Variants in LRRC28 observed in about 807,000 individuals in gnomAD.
LRRC28 encodes the protein leucine-rich repeat-containing protein 28.
LRRC28 carries 39 observed loss-of-function variants against 45.7 expected under a neutral mutation model. The ratio of observed to expected loss-of-function variants is 0.85; its 90% CI spans 0.66 to 1.12. The LOEUF (loss-of-function observed/expected upper bound fraction) is 1.12. Ranked by LOEUF, LRRC28 falls within the 50% of genes most tolerant of loss-of-function variation. The probability of loss-of-function intolerance (pLI) is 0.00; values close to 1 mark genes in which losing one functional copy is unlikely to be tolerated. For synonymous variants in LRRC28, 206 were observed against 178.8 expected (o/e 1.15, Z -1.22); for missense variants, 435 against 438.5 (o/e 0.99, Z 0.07).
intron 6 of LRRC28, among the ~76,000 whole-genome samples, chr15:99,351,802 A>C (rs1442759650): frequency 6.6e-6 from 1 of 152,228 alleles, no homozygotes; most frequent in Non-Finnish European, 1.5e-5. Context: ...TACAGCAACC[A>C]CTGCAACTGG....
intron 7 of LRRC28, among the ~76,000 whole-genome samples, chr15:99,359,641 A>G (rs994767426): frequency 2.6e-5 from 4 of 152,188 alleles, no homozygotes; most frequent in Admixed American, 2.0e-4. Context: ...TTACTATAAT[A>G]AAAACATCTG....
chr15:99,278,113 A>G (rs1045143566), intron 3 of LRRC28, among the ~76,000 whole-genome samples: 2 of 152,182 alleles, frequency 1.3e-5, no homozygotes, highest in African/African-American at 4.8e-5. Context: ...ATGTTGGAAA[A>G]TACAGATAGT....
chr15:99,311,696 G>A (rs1009780898), intron 5 of LRRC28, among the ~76,000 whole-genome samples: 35 of 152,262 alleles, frequency 2.3e-4, no homozygotes, highest in Admixed American at 5.9e-4. Context: ...ACTCTAAAAA[G>A]CCAAGAATAT....
chr15:99,336,036 T>C (rs1327753609), intron 6 of LRRC28, among the ~76,000 whole-genome samples: 1 of 152,184 alleles, frequency 6.6e-6, no homozygotes, highest in Non-Finnish European at 1.5e-5. Flanking sequence ...TCGCCTATAC[T>C]ACTATTCATA....
At chr15:99,313,789 G>T (rs145796308) in intron 5 of LRRC28, among the ~76,000 whole-genome samples, 2 of 152,108 alleles carry the variant, frequency 1.3e-5, no homozygotes, top group Non-Finnish European at 2.9e-5. Flanking sequence ...AGTTTTAGGG[G>T]ACAAAGCTGT....
intron 5 of LRRC28, among the ~76,000 whole-genome samples, chr15:99,306,800 C>T (rs1009897665): frequency 6.6e-6 from 1 of 151,972 alleles, no homozygotes; most frequent in Non-Finnish European, 1.5e-5. Flanking sequence ...TTCTGTGTCA[C>T]GCTAACACTT....
chr15:99,287,346 CTTTAT>C, intron 4 of LRRC28, 52 bp downstream of exon 4: 1 of 1,316,040 alleles, frequency 7.6e-7, no homozygotes, highest in Non-Finnish European at 1.0e-6. Flanking sequence ...TTAAGCTTTG[CTTTAT>C]AAATAGATCA....
intron 6 of LRRC28, among the ~76,000 whole-genome samples, chr15:99,346,536 T>C (rs1956688407): frequency 6.6e-6 from 1 of 152,226 alleles, no homozygotes; most frequent in Admixed American, 6.5e-5. Flanking sequence ...AATGCCGTGT[T>C]GAGACATTTG....
rs189847675 is a variant in LRRC28, at chr15:99,263,816, C to T, written c.168+7691C>T. Among the ~76,000 whole-genome samples, 12 of 152,252 alleles carry T rather than the reference C, an allele frequency of 7.9e-5. No individual in the cohort carries two copies. The East Asian group carries it at 1.9e-3, about 24-fold the overall frequency. On this transcript the variant is annotated intron_variant, in intron 2 of 9. Coordinates refer to ENST00000301981, the MANE Select transcript of LRRC28 (RefSeq NM_144598.5). ...TTTGTTGAGTACTTAACTGTGTACC[C>T]ATCACTCTTCAAGACACTGACAATA...
At chr15:99,342,240 T>A (rs1005135497) in intron 6 of LRRC28, among the ~76,000 whole-genome samples, 1 of 152,230 alleles carries the variant, frequency 6.6e-6, no homozygotes, top group Non-Finnish European at 1.5e-5. Flanking sequence ...TACACCTGGA[T>A]GCCTTGGGCA....
At chr15:99,307,133 TGAGA>T (rs5814932) in intron 5 of LRRC28, among the ~76,000 whole-genome samples, 1 of 152,070 alleles carries the variant, frequency 6.6e-6, no homozygotes, top group African/African-American at 2.4e-5. Flanking sequence ...ATGTTTTCAT[TGAGA>T]GAGAGAGTTT....
chr15:99,270,375 G>A (rs919739025), intron 2 of LRRC28, among the ~76,000 whole-genome samples: 2 of 151,986 alleles, frequency 1.3e-5, no homozygotes, highest in East Asian at 1.9e-4. Flanking sequence ...CAAACATTTC[G>A]TTCACTCCAG....
At chr15:99,365,651 G>A (rs1957319519) in intron 9 of LRRC28, among the ~76,000 whole-genome samples, 1 of 152,154 alleles carries the variant, frequency 6.6e-6, no homozygotes, top group South Asian at 2.1e-4. Context: ...ATATTCAGTT[G>A]TTTGCATTGC....
intron 6 of LRRC28, among the ~76,000 whole-genome samples, chr15:99,341,785 T>C (rs1418298457): frequency 6.6e-6 from 1 of 152,182 alleles, no homozygotes; most frequent in African/African-American, 2.4e-5. Flanking sequence ...TTTTTGTTGT[T>C]CTCGTTCTAG....
intron 7 of LRRC28, among the ~76,000 whole-genome samples, chr15:99,359,591 A>G (rs539690274): frequency 1.4e-3 from 206 of 152,318 alleles, no homozygotes; most frequent in African/African-American, 4.7e-3. Context: ...GGCATTTAAA[A>G]TGTTCATTTT....
At chr15:99,333,174 T>C (rs1444216344) in intron 5 of LRRC28, among the ~76,000 whole-genome samples, 2 of 152,148 alleles carry the variant, frequency 1.3e-5, no homozygotes, top group African/African-American at 4.8e-5. Context: ...TAATCTTCAC[T>C]CAAGTCTTAA....
chr15:99,313,404 G>A (rs1437000561), intron 5 of LRRC28, among the ~76,000 whole-genome samples: 1 of 151,960 alleles, frequency 6.6e-6, no homozygotes, highest in Non-Finnish European at 1.5e-5. Flanking sequence ...TAGAAAACTT[G>A]AACAATTTTG....
At chr15:99,302,240 G>C (rs1955004222) in intron 5 of LRRC28, among the ~76,000 whole-genome samples, 1 of 152,006 alleles carries the variant, frequency 6.6e-6, no homozygotes, top group Admixed American at 6.6e-5. Context: ...TGTTAGCCAG[G>C]ATGGTCTCGA....
At chr15:99,266,505 T>TAA (rs970991913) in intron 2 of LRRC28, among the ~76,000 whole-genome samples, 5 of 152,126 alleles carry the variant, frequency 3.3e-5, no homozygotes, top group African/African-American at 1.2e-4. Flanking sequence ...GTGTTAAGGA[T>TAA]AATTAATACC....
Sources: allele counts gnomAD v4.1 joint callset (sites outside exome capture counted in the v4.1 genomes callset), GRCh38; gene constraint gnomAD v4.1.1; transcripts MANE v1.5; gene names NCBI Gene and HGNC (gene_info 2026-07-23, HGNC 2026-07-21).